Variants in RPS6KB1 observed in about 807,000 individuals in gnomAD.
The protein encoded by RPS6KB1 is ribosomal protein S6 kinase B1.
A neutral mutation model predicts 70.2 loss-of-function variants in RPS6KB1; 12 were observed. The ratio of observed to expected loss-of-function variants is 0.17; its 90% CI spans 0.11 to 0.28. The LOEUF (loss-of-function observed/expected upper bound fraction) is 0.28. RPS6KB1 is among the 10% of genes least tolerant of loss of function. The pLI is 1.00. For synonymous variants in RPS6KB1, 175 were observed against 211.2 expected (o/e 0.83, Z 1.49); for missense variants, 270 against 646.6 (o/e 0.42, Z 6.32).
chr17:59,902,030 A>G (rs1006994956), intron 1 of RPS6KB1, among the ~76,000 whole-genome samples: 1 of 150,644 alleles, frequency 6.6e-6, no homozygotes, highest in Non-Finnish European at 1.5e-5. Flanking sequence ...AAAAAAAAAA[A>G]AGCTTTTTCT....
intron 4 of RPS6KB1, 41 bp downstream of exon 4, chr17:59,914,744 T>A (rs934410120): frequency 7.4e-7 from 1 of 1,347,068 alleles, no homozygotes; most frequent in Admixed American, 1.9e-5. Flanking sequence ...CACACCATAT[T>A]TTTACACTTG....
intron 4 of RPS6KB1, among the ~76,000 whole-genome samples, chr17:59,918,743 TCTTTGA>T (rs1332160079): frequency 2.6e-5 from 4 of 152,160 alleles, no homozygotes; most frequent in African/African-American, 7.2e-5. Flanking sequence ...CTTTCTGTTT[TCTTTGA>T]CTTTGATTTA....
chr17:59,902,842 T>C (rs935194554), intron 1 of RPS6KB1, among the ~76,000 whole-genome samples: 15 of 152,086 alleles, frequency 9.9e-5, no homozygotes, highest in African/African-American at 3.6e-4. Context: ...CCTCCCAAAG[T>C]GTTAGGATTA....
At chr17:59,895,448 A>G (rs2041492067) in intron 1 of RPS6KB1, among the ~76,000 whole-genome samples, 2 of 150,286 alleles carry the variant, frequency 1.3e-5, no homozygotes, top group South Asian at 4.2e-4. Flanking sequence ...CAGCCTCCCA[A>G]GTAGCTGGGA....
intron 4 of RPS6KB1, among the ~76,000 whole-genome samples, chr17:59,918,356 A>ATTTTAT (rs1555648976): frequency 5.3e-5 from 8 of 149,964 alleles, no homozygotes; most frequent in South Asian, 2.1e-4. Context: ...TGAGAGTTTT[A>ATTTTAT]TTTTTTTTTA....
chr17:59,906,696 T>G (rs1232511113), intron 1 of RPS6KB1, among the ~76,000 whole-genome samples: 1 of 152,028 alleles, frequency 6.6e-6, no homozygotes, highest in Non-Finnish European at 1.5e-5. Context: ...CTTTACTTTT[T>G]TTTGTTTGTT....
At chr17:59,924,613 T>C (rs1401776304) in intron 4 of RPS6KB1, among the ~76,000 whole-genome samples, 1 of 151,860 alleles carries the variant, frequency 6.6e-6, no homozygotes. Flanking sequence ...TCAAAAGTCT[T>C]ATTTCTTTTC....
At chr17:59,923,182 A>G (rs1165283469) in intron 4 of RPS6KB1, among the ~76,000 whole-genome samples, 4 of 148,110 alleles carry the variant, frequency 2.7e-5, no homozygotes, top group African/African-American at 1.0e-4. Context: ...TTTGTGAGAC[A>G]GGTTCTTCCT....
chr17:59,939,189 G>A (rs1431606732), intron 12 of RPS6KB1, among the ~76,000 whole-genome samples: 2 of 152,080 alleles, frequency 1.3e-5, no homozygotes, highest in Admixed American at 6.5e-5. Context: ...CTTTGTGTGT[G>A]TGTGTTTTTT....
At chr17:59,920,662 G>C (rs2043213367) in intron 4 of RPS6KB1, among the ~76,000 whole-genome samples, 1 of 152,200 alleles carries the variant, frequency 6.6e-6, no homozygotes, top group Non-Finnish European at 1.5e-5. Context: ...CAGCATAATA[G>C]TGCTTGTCCC....
At chr17:59,911,537 GGTT>G (rs2042635086) in intron 2 of RPS6KB1, among the ~76,000 whole-genome samples, 1 of 101,532 alleles carries the variant, frequency 9.8e-6, no homozygotes, top group Non-Finnish European at 1.9e-5. Context: ...ATTTTTGTTG[GGTT>G]TTTTTTTTTT....
chr17:59,925,357 C>T (rs2043544798), intron 4 of RPS6KB1, among the ~76,000 whole-genome samples: 1 of 152,082 alleles, frequency 6.6e-6, no homozygotes, highest in Admixed American at 6.6e-5. Flanking sequence ...CATCATTTTC[C>T]CAAAACTTTT....
At chr17:59,920,095 C>CTT (rs34782350) in intron 4 of RPS6KB1, among the ~76,000 whole-genome samples, 1 of 147,258 alleles carries the variant, frequency 6.8e-6, no homozygotes, top group Non-Finnish European at 1.5e-5. Flanking sequence ...ATTCCACTGT[C>CTT]TTTTTTTTTT....
At chr17:59,900,705 G>T (rs2041882775) in intron 1 of RPS6KB1, among the ~76,000 whole-genome samples, 1 of 152,086 alleles carries the variant, frequency 6.6e-6, no homozygotes, top group South Asian at 2.1e-4. Flanking sequence ...CGTGTAAACT[G>T]AGAGTTCATA....
intron 1 of RPS6KB1, among the ~76,000 whole-genome samples, chr17:59,896,685 G>A (rs1424184740): frequency 2.0e-5 from 3 of 152,140 alleles, no homozygotes; most frequent in Non-Finnish European, 4.4e-5. Flanking sequence ...AAGAAATATG[G>A]CCCCGATTTT....
chr17:59,897,198 G>T (rs1598624462), intron 1 of RPS6KB1, among the ~76,000 whole-genome samples: 1 of 152,150 alleles, frequency 6.6e-6, no homozygotes, highest in African/African-American at 2.4e-5. Context: ...CCTCTTTGTG[G>T]TATGTCAAAA....
chr17:59,927,593 G>A (rs2043688693), intron 5 of RPS6KB1, among the ~76,000 whole-genome samples: 1 of 146,418 alleles, frequency 6.8e-6, no homozygotes, highest in Non-Finnish European at 1.5e-5. Flanking sequence ...TGCAACTTCC[G>A]CCTCCCAGGT....
chr17:59,929,896 A>G (rs1307208746), intron 5 of RPS6KB1, among the ~76,000 whole-genome samples: 1 of 152,216 alleles, frequency 6.6e-6, no homozygotes, highest in Non-Finnish European at 1.5e-5. Context: ...AGCCAGTTCT[A>G]GTTTTTAAAT....
intron 2 of RPS6KB1, among the ~76,000 whole-genome samples, chr17:59,911,070 A>T (rs1307812874): frequency 6.6e-6 from 1 of 152,146 alleles, no homozygotes; most frequent in Non-Finnish European, 1.5e-5. Context: ...GTCATTTGAG[A>T]TCAGGAGTTC....
Sources: gnomAD v4.1 joint callset for allele counts (sites outside exome capture counted in the v4.1 genomes callset) on GRCh38, gnomAD v4.1.1 for gene constraint, MANE v1.5 for transcripts, NCBI Gene and HGNC (gene_info 2026-07-23, HGNC 2026-07-21) for gene names.